Variants in WIZ observed in about 807,000 individuals in gnomAD.
WIZ encodes the protein protein Wiz.
In WIZ, 25 loss-of-function variants were observed where a neutral mutation model predicts 140.2. The observed-to-expected ratio is 0.18, with a 90% CI of 0.13 to 0.25. The LOEUF is 0.25. WIZ is among the 10% of genes least tolerant of loss of function. The probability of loss-of-function intolerance (pLI) is 1.00; values close to 1 mark genes in which losing one functional copy is unlikely to be tolerated. For synonymous variants in WIZ, 1,125 were observed against 1,154.3 expected (o/e 0.97, Z 0.51); for missense variants, 2,231 against 2,632.6 (o/e 0.85, Z 3.34).
rs144020842 is a variant in WIZ, at chr19:15,439,053, G to C, written c.1941C>G (p.Pro647=). The change falls in exon 4 of 13, where the codon CCC becomes CCG. Residue 647 remains proline, a synonymous_variant. Transcript: ENST00000673675. This position sits in a 1 kb window ranked among gnomAD's most constrained non-coding sequence, Gnocchi z 7.0. ...CCAGGGCCGCCTGCGGGATGAGGCT[G>C]GGGGTGGCTAGGGGTGAAAAGACCC... is the stretch of plus-strand genomic sequence containing the variant. ...ENGVFSPLAT[P]SLIPQAALEL... is the part of the protein sequence containing the mutation. The C allele has an allele frequency of 3.5e-4, 524 of 1,499,140 alleles. 3 individuals are homozygous for C. In the East Asian group the frequency reaches 0.01, roughly 29 times the overall value. 92.9% of individuals were successfully genotyped at this position (1,499,140 alleles called of 1,614,324 possible).
intron 5 of WIZ, among the ~76,000 whole-genome samples, chr19:15,435,939 A>C (rs1969500367): frequency 6.6e-6 from 1 of 152,004 alleles, no homozygotes; most frequent in Admixed American, 6.5e-5. Context: ...CCTGGCCAAC[A>C]TGGTGAAAAC....
Position 15,424,657 on chromosome 19 carries a change from G to C in WIZ, c.5270C>G (p.Pro1757Arg). 1 of 1,591,512 alleles carries C rather than the reference G, an allele frequency of 6.3e-7. No homozygotes were observed. Among genetic ancestry groups the C allele is most frequent in the Non-Finnish European group, 8.5e-7 (1 of 1,177,628 alleles). Residue 1757 changes from proline to arginine, a missense_variant, in exon 11 of 13, where the codon CCA becomes CGA. Pro to Arg is a moderately radical substitution (Grantham distance 103, BLOSUM62 -2). Transcript: ENST00000673675. The surrounding 1 kb of genome is among the most constrained non-coding windows in gnomAD (Gnocchi z 9.7). Reference protein sequence around the residue: ...GGERPLAASPPGTVKAEEHQR... With the variant: ...GGERPLAASPRGTVKAEEHQR... ...GTGCTCCTCAGCCTTCACGGTGCCT[G>C]GCGGGCTGGCTGCCAGAGGCCGCTC...
At position 15,427,180 on chromosome 19, in the gene WIZ, G is replaced by C; in HGVS notation, c.4168C>G (p.Pro1390Ala). ...GCCGTAGGAGGAGGAGAGGCAGTTG[G>C]TGAGTGGCCCAGGGGGCTGCCCGGT... ...PPPGSPLGHS[P>A]TASPPPTARK... Residue 1390 changes from proline to alanine, a missense_variant, in exon 9 of 13, where the codon CCA becomes GCA. Coordinates refer to ENST00000673675, the MANE Select transcript of WIZ (RefSeq NM_001371589.1). This position sits in a 1 kb window ranked among gnomAD's most constrained non-coding sequence, Gnocchi z 6.4. 2 of 1,614,212 alleles carry C rather than the reference G, an allele frequency of 1.2e-6. No homozygotes were observed. Among genetic ancestry groups the C allele is most frequent in the South Asian group, 1.1e-5 (1 of 91,084 alleles).
intron 1 of WIZ, among the ~76,000 whole-genome samples, chr19:15,448,868 C>T (rs1225743819): frequency 6.6e-6 from 1 of 152,224 alleles, no homozygotes; most frequent in East Asian, 1.9e-4. Context: ...TGGGTTGTCC[C>T]ATACCAATGA....
chr19:15,425,959 C>T (rs1471398039), intron 9 of WIZ, among the ~76,000 whole-genome samples, 191 bp from the exon 10 acceptor site: 2 of 150,162 alleles, frequency 1.3e-5, no homozygotes, highest in Non-Finnish European at 3.0e-5. Context: ...GCTCAAAGCC[C>T]CCGTATCAGT....
In WIZ at chr19:15,431,323, C is replaced by T. The variant is rs1969222697; in HGVS notation, c.2741-141G>A. On this transcript the variant is annotated intron_variant, in intron 5 of 12. Transcript: ENST00000673675. ...TCACCCCAGGAAAGCTGAGGTTCCA[C>T]CATAACCCCCAGCACCAGTCCAGTG... is the stretch of plus-strand genomic sequence containing the variant. The T allele has an allele frequency of 1.3e-5, 14 of 1,079,634 alleles. No homozygotes were observed. In the South Asian group the frequency reaches 1.6e-4, roughly 12 times the overall value. The allele number at this position is 1,079,634 out of a possible 1,614,324, so 66.9% of individuals were successfully genotyped here.
At chr19:15,434,358 G>C (rs1287274049) in intron 5 of WIZ, among the ~76,000 whole-genome samples, 1 of 151,288 alleles carries the variant, frequency 6.6e-6, no homozygotes, top group Non-Finnish European at 1.5e-5. Context: ...TCAGGAGATC[G>C]AGACCGTGCT....
chr19:15,439,128 C>T lies in WIZ; in HGVS notation c.1866G>A (p.Glu622=), dbSNP rs929613. ...PWSEEEEEEE[E]EEDVVLTSEM... ...CGGAGGTCAGCACTACATCCTCCTC[C>T]TCCTCCTCCTCCTCCTCCTCTTCGC... Residue 622 remains glutamate, a synonymous_variant, in exon 4 of 13, where the codon GAG becomes GAA. Transcript: ENST00000673675. This position sits in a 1 kb window ranked among gnomAD's most constrained non-coding sequence, Gnocchi z 7.0. 1,042,705 of 1,455,438 alleles carry T rather than the reference C, an allele frequency of 0.72. 370,327 individuals carry two copies. The highest frequency in any genetic ancestry group is 0.97 in the East Asian group (36,501 of 37,742). The allele number at this position is 1,455,438 out of a possible 1,614,324, so 90.2% of individuals were successfully genotyped here. A position where few individuals can be genotyped will look rare whatever the true frequency, so the allele number is the denominator to read the frequency against.
Position 15,424,546 on chromosome 19 carries a change from G to T in WIZ, c.5314+67C>A. 2 of 1,536,710 alleles carry T rather than the reference G, an allele frequency of 1.3e-6. No homozygotes were observed. Among genetic ancestry groups the T allele is most frequent in the Non-Finnish European group, 8.7e-7 (1 of 1,146,538 alleles). On this transcript the variant is annotated intron_variant, in intron 11 of 12. Transcript: ENST00000673675. This position sits in a 1 kb window ranked among gnomAD's most constrained non-coding sequence, Gnocchi z 9.7. ...ACTTAAGGGCCACAGCAGAGCGCCT[G>T]GGGAGTGGCTGGGTGGGCCTGACAG...
At position 15,421,206 on chromosome 19, in the gene WIZ, C is replaced by T. The variant is rs1201344635; in HGVS notation, c.*1870G>A. On this transcript the variant is annotated 3_prime_UTR_variant, in exon 13 of 13. Transcript: ENST00000673675. Reference sequence around the variant, plus strand: ...GTCAGCTCACAAGATGCTCTCCCTGCTTCCTAAGTCCTGGATACATCCACC... The same window carrying T: ...GTCAGCTCACAAGATGCTCTCCCTGTTTCCTAAGTCCTGGATACATCCACC... The T allele has an allele frequency of 6.6e-6, 1 of 152,416 alleles. No homozygotes were observed. The highest frequency in any genetic ancestry group is 1.9e-4 in the East Asian group (1 of 5,194). 9.4% of individuals were successfully genotyped at this position (152,416 alleles called of 1,614,324 possible).
intron 2 of WIZ, among the ~76,000 whole-genome samples, chr19:15,445,944 T>C (rs182964790): frequency 9.8e-4 from 149 of 152,180 alleles, no homozygotes; most frequent in African/African-American, 3.4e-3. Context: ...TTCCTATTTA[T>C]AGGCATCACA....
Position 15,436,907 on chromosome 19 carries a change from C to T in WIZ, c.2639G>A (p.Gly880Asp), listed in dbSNP as rs1488426079. The change falls in exon 5 of 13, where the codon GGT becomes GAT. Residue 880 changes from glycine (G) to aspartate (D), a missense_variant. This residue lies in a region of WIZ where 137 missense variants were observed against 135.8 expected (regional missense o/e 1.01). Coordinates refer to ENST00000673675, the MANE Select transcript of WIZ (RefSeq NM_001371589.1). ...GGAGGTCAGGAAGCTGCCAGGCGGA[C>T]CCCCAGGCTCTCGGCCCAGGGGGCT... The part of the protein sequence containing the change: ...PPSPLGREPG[G>D]PPGSFLTSRR... 2 of 1,612,548 alleles carry T rather than the reference C, an allele frequency of 1.2e-6. No homozygotes were observed. Among genetic ancestry groups the T allele is most frequent in the Admixed American group, 1.7e-5 (1 of 59,700 alleles).
At position 15,420,527 on chromosome 19, in the gene WIZ, CCA is replaced by C. The variant is rs747419616; in HGVS notation, c.*2547_*2548del. ...CAGGTTCGTTCCTTCATCGCACTTG[CCA>C]CAGTCATCATTGTACCGATTTGATT... On this transcript the variant is annotated 3_prime_UTR_variant, in exon 13 of 13. Transcript: ENST00000673675. 1 of 152,254 alleles carries C rather than the reference CCA, an allele frequency of 6.6e-6. No individual in the cohort carries two copies. The highest frequency in any genetic ancestry group is 2.4e-5 in the African/African-American group (1 of 41,442). 9.4% of individuals were successfully genotyped at this position (152,254 alleles called of 1,614,324 possible). A position where few individuals can be genotyped will look rare whatever the true frequency, so the allele number is the denominator to read the frequency against.
At chr19:15,441,399 C>T (rs1969741146) in intron 3 of WIZ, among the ~76,000 whole-genome samples, 2 of 152,184 alleles carry the variant, frequency 1.3e-5, no homozygotes, top group South Asian at 4.1e-4. Context: ...CCCCTTTGTC[C>T]TTATACAACA....
intron 2 of WIZ, among the ~76,000 whole-genome samples, chr19:15,443,390 C>A (rs770389731): frequency 6.6e-6 from 1 of 152,200 alleles, no homozygotes; most frequent in Non-Finnish European, 1.5e-5. Context: ...AGACTCTTAG[C>A]CGCCACCTAC....
Position 15,431,059 on chromosome 19 carries a change from G to A in WIZ, c.2864C>T (p.Ala955Val). 1 of 1,535,920 alleles carries A rather than the reference G, an allele frequency of 6.5e-7. No individual in the cohort carries two copies. The highest frequency in any genetic ancestry group is 2.4e-5 in the East Asian group (1 of 40,916). The change falls in exon 6 of 13, where the codon GCT becomes GTT. Residue 955 changes from alanine (A) to valine (V), a missense_variant. Physicochemically the swap from Ala to Val is moderately conservative, Grantham distance 64 (BLOSUM62 0). Around this residue, in one of 15 missense-constraint regions of WIZ, gnomAD observed 137 missense variants for 135.8 expected, o/e 1.01. Transcript: ENST00000673675. The stretch of plus-strand genomic sequence containing the variant: ...TTTGCTGCCATGAGGAACCTCTGCA[G>A]CCACTTTGCTGCTCAGCCGACTGGC... Reference protein sequence around the residue: ...QVASRLSSKVAAEVPHGSKQE... With the variant: ...QVASRLSSKVVAEVPHGSKQE...
At position 15,424,189 on chromosome 19, in the gene WIZ, T is replaced by G; in HGVS notation, c.5504A>C (p.Lys1835Thr). The G allele has an allele frequency of 6.5e-7, 1 of 1,536,112 alleles. No homozygotes were observed. Among genetic ancestry groups the G allele is most frequent in the Non-Finnish European group, 8.7e-7 (1 of 1,144,222 alleles). ...TCCCCCAGGGGCAGCCTACCTGCAT[T>G]TGAGGGTGTAGATGTTGCCCACGAA... ...VKFVGNIYTL[K>T]CRFCEVEFQG... The change falls in exon 12 of 13, where the codon AAA becomes ACA. Residue 1835 changes from lysine (K) to threonine (T), a missense_variant. Lys to Thr is a moderately conservative substitution (Grantham distance 78). This residue lies in a region of WIZ where 299 missense variants were observed against 309.6 expected (regional missense o/e 0.97). Transcript: ENST00000673675. This position sits in a 1 kb window ranked among gnomAD's most constrained non-coding sequence, Gnocchi z 9.7.
At position 15,440,549 on chromosome 19, in the gene WIZ, C is replaced by A; in HGVS notation, c.445G>T (p.Val149Leu). ...TCAGCGTGGGGTTTCATGGTTCTCA[C>A]AATGACTGAGTCCTCGAATCTCCGC... ...SERRFEDSVI[V>L]RTMKPHAELE... Residue 149 changes from valine to leucine, a missense_variant, in exon 4 of 13, where the codon GTG (valine) becomes TTG (leucine). By Grantham distance (32) the Val-to-Leu change is conservative. Transcript: ENST00000673675. The surrounding 1 kb of genome is among the most constrained non-coding windows in gnomAD (Gnocchi z 6.2). 4 of 1,536,202 alleles carry A rather than the reference C, an allele frequency of 2.6e-6. No homozygotes were observed. The highest frequency in any genetic ancestry group is 3.5e-6 in the Non-Finnish European group (4 of 1,146,908).
intron 5 of WIZ, among the ~76,000 whole-genome samples, chr19:15,435,317 A>G (rs1969481597): frequency 6.6e-6 from 1 of 152,152 alleles, no homozygotes; most frequent in South Asian, 2.1e-4. Context: ...AAATCTTAGT[A>G]CAGGGGCCAG....
Sources: allele counts gnomAD v4.1 joint callset (sites outside exome capture counted in the v4.1 genomes callset), GRCh38; gene constraint gnomAD v4.1.1; regional missense constraint gnomAD v4.1.1; non-coding constraint Gnocchi (gnomAD v3.1); transcripts MANE v1.5; gene names NCBI Gene and HGNC (gene_info 2026-07-23, HGNC 2026-07-21).